The following DYNC2LI1 variants were observed in gnomAD, a reference collection of about 807,000 sequenced individuals.
DYNC2LI1 encodes dynein cytoplasmic 2 light intermediate chain 1, also known as cytoplasmic dynein 2 light intermediate chain 1.
DYNC2LI1 carries 45 observed loss-of-function variants against 51.9 expected under a neutral mutation model. That is an observed-to-expected ratio of 0.87 (90% CI 0.68 to 1.11). The LOEUF (loss-of-function observed/expected upper bound fraction) is 1.11, where lower values mean the gene tolerates loss of function less well. DYNC2LI1 is among the 50% of genes most tolerant of loss of function. DYNC2LI1 has a pLI of 0.00. For synonymous variants in DYNC2LI1, 130 were observed against 137.8 expected, an observed-to-expected ratio of 0.94 and a Z score of 0.40; for missense variants, 490 against 417.4, an observed-to-expected ratio of 1.17 and a Z score of -1.51.
the DYNC2LI1 span, chr2:43,822,885 G>A: frequency 1.9e-6 from 3 of 1,614,114 alleles, no homozygotes; most frequent in Non-Finnish European, 2.5e-6. Flanking sequence ...TGCCACTTCT[G>A]GTAGAGGCCG....
intron 3 of DYNC2LI1, among the ~76,000 whole-genome samples, chr2:43,786,943 T>C (rs1295395918): frequency 6.6e-6 from 1 of 152,242 alleles, no homozygotes; most frequent in African/African-American, 2.4e-5. Flanking sequence ...ACACATTCTC[T>C]ACTTTGCCCC....
chr2:43,790,936 C>T (rs1302779012), intron 5 of DYNC2LI1, among the ~76,000 whole-genome samples: 1 of 152,058 alleles, frequency 6.6e-6, no homozygotes, highest in Non-Finnish European at 1.5e-5. Flanking sequence ...GGTGAGGGGC[C>T]AGGTGCGGTG....
At chr2:43,801,612 T>G in intron 9 of DYNC2LI1, 27 bp from the exon 10 acceptor site, 1 of 1,573,326 alleles carries the variant, frequency 6.4e-7, no homozygotes, top group South Asian at 1.2e-5. Context: ...GCTAAACTAA[T>G]TTAGAATCTT....
downstream of DYNC2LI1, among the ~76,000 whole-genome samples, chr2:43,810,859 G>A (rs374374610): frequency 1.1e-4 from 17 of 152,252 alleles, no homozygotes; most frequent in East Asian, 3.3e-3. Context: ...CTGACTTGGT[G>A]GGAAGAAACA....
At chr2:43,782,768 G>C (rs1490007376) in intron 2 of DYNC2LI1, among the ~76,000 whole-genome samples, 1 of 152,026 alleles carries the variant, frequency 6.6e-6, no homozygotes, top group East Asian at 1.9e-4. Context: ...GATTAGATGA[G>C]GCCAGGAGTT....
downstream of DYNC2LI1, among the ~76,000 whole-genome samples, chr2:43,810,714 T>A (rs773476382): frequency 3.3e-4 from 50 of 152,202 alleles, no homozygotes; most frequent in Non-Finnish European, 1.5e-4. Flanking sequence ...TACGTATGGT[T>A]CTGACACCCT....
At chr2:43,802,924 A>G (rs1468126224) in intron 10 of DYNC2LI1, among the ~76,000 whole-genome samples, 1 of 152,210 alleles carries the variant, frequency 6.6e-6, no homozygotes, top group Non-Finnish European at 1.5e-5. Context: ...AAGGTGTTTA[A>G]TATCATTAGT....
the DYNC2LI1 span, among the ~76,000 whole-genome samples, chr2:43,822,085 T>C: frequency 1.3e-5 from 2 of 152,192 alleles, no homozygotes; most frequent in Non-Finnish European, 2.9e-5. Context: ...AACCATTTTT[T>C]GAACTTGATC....
chr2:43,813,697 GT>G (rs1235368677), downstream of DYNC2LI1, among the ~76,000 whole-genome samples: 10 of 91,316 alleles, frequency 1.1e-4, no homozygotes, highest in South Asian at 3.5e-4. Flanking sequence ...TTTTTTTGGG[GT>G]TTTTTTTTTC....
chr2:43,824,461 C>A, the DYNC2LI1 span: 5 of 1,611,424 alleles, frequency 3.1e-6, no homozygotes, highest in African/African-American at 5.3e-5. Context: ...AGATGTCACC[C>A]ATGTGTTTTT....
the DYNC2LI1 span, chr2:43,824,515 T>C: frequency 6.3e-6 from 10 of 1,597,674 alleles, no homozygotes; most frequent in Admixed American, 1.7e-5. Flanking sequence ...ACAGGAGTAC[T>C]GGCCATAATA....
At chr2:43,820,773 C>T in the DYNC2LI1 span, among the ~76,000 whole-genome samples, 15 of 152,272 alleles carry the variant, frequency 9.9e-5, no homozygotes, top group African/African-American at 3.6e-4. Context: ...CCTGCCTCAG[C>T]CTCCCAAGTA....
At chr2:43,810,051 T>A (rs1247256083), downstream of DYNC2LI1, 2 of 772,874 alleles carry the variant, frequency 2.6e-6, no homozygotes, top group African/African-American at 3.7e-5. Context: ...ATGTATAAGT[T>A]TCTGCTTATA....
At chr2:43,801,772 C>T (rs909839990) in intron 10 of DYNC2LI1, 63 bp downstream of exon 10, 7 of 1,257,362 alleles carry the variant, frequency 5.6e-6, no homozygotes, top group Non-Finnish European at 8.0e-6. Flanking sequence ...TGTCCTACTC[C>T]ATGTTCACTT....
At chr2:43,824,451 A>T in the DYNC2LI1 span, 1 of 1,612,764 alleles carries the variant, frequency 6.2e-7, no homozygotes. Context: ...TTTTCCCAAA[A>T]GATGTCACCC....
downstream of DYNC2LI1, chr2:43,814,674 T>C: frequency 7.5e-6 from 6 of 799,348 alleles, no homozygotes; most frequent in South Asian, 7.9e-5. Context: ...CCTTATATTT[T>C]CCAACAGGAA....
chr2:43,791,314 C>G, intron 5 of DYNC2LI1, among the ~76,000 whole-genome samples: 1 of 152,108 alleles, frequency 6.6e-6, no homozygotes, highest in East Asian at 1.9e-4. Flanking sequence ...GTGGCTCTTA[C>G]CTGGGTTGGG....
intron 9 of DYNC2LI1, 134 bp from the exon 10 acceptor site, chr2:43,801,505 A>G: frequency 1.8e-6 from 1 of 546,722 alleles, no homozygotes; most frequent in Non-Finnish European, 3.2e-6. Flanking sequence ...ATAGTCACTC[A>G]TTCATTCGGG....
intron 2 of DYNC2LI1, among the ~76,000 whole-genome samples, chr2:43,780,507 G>C (rs1673227608): frequency 6.6e-6 from 1 of 152,160 alleles, no homozygotes; most frequent in Non-Finnish European, 1.5e-5. Flanking sequence ...GGTGGCACTG[G>C]GGAGCAAGGA....
Sources: gnomAD v4.1 joint callset for allele counts (sites outside exome capture counted in the v4.1 genomes callset) on GRCh38, gnomAD v4.1.1 for gene constraint, MANE v1.5 for transcripts, NCBI Gene and HGNC (gene_info 2026-07-23, HGNC 2026-07-21) for gene names.